The following ARHGEF17 variants were observed in gnomAD, a reference collection of about 807,000 sequenced individuals.
ARHGEF17 encodes Rho guanine nucleotide exchange factor 17, also known as 164 kDa Rho-specific guanine-nucleotide exchange factor.
ARHGEF17 carries 80 observed loss-of-function variants against 174.0 expected under a neutral mutation model. The ratio of observed to expected loss-of-function variants is 0.46; its 90% CI spans 0.38 to 0.55. The LOEUF (loss-of-function observed/expected upper bound fraction) is 0.55, where lower values mean the gene tolerates loss of function less well. ARHGEF17 is among the 20% of genes least tolerant of loss of function. The pLI is 0.00. For synonymous variants in ARHGEF17, 1,311 were observed against 1,189.1 expected (o/e 1.10, Z -2.11); for missense variants, 2,886 against 2,839.7 (o/e 1.02, Z -0.37).
intron 1 of ARHGEF17, among the ~76,000 whole-genome samples, chr11:73,332,488 T>A (rs1314766122): frequency 6.6e-6 from 1 of 152,012 alleles, no homozygotes; most frequent in South Asian, 2.1e-4. Context: ...TACTTCTCCA[T>A]AGCATTTCAA....
intron 2 of ARHGEF17, among the ~76,000 whole-genome samples, chr11:73,352,436 T>G (rs1182816155): frequency 1.3e-5 from 2 of 152,230 alleles, no homozygotes; most frequent in Non-Finnish European, 2.9e-5. Flanking sequence ...ATTGTGGTCT[T>G]TCTTATACAT....
chr11:73,316,172 C>A (rs1178294841), intron 1 of ARHGEF17, among the ~76,000 whole-genome samples: 1 of 152,210 alleles, frequency 6.6e-6, no homozygotes, highest in Non-Finnish European at 1.5e-5. Flanking sequence ...ATGAAGAGGG[C>A]ACAGCATGAG....
In ARHGEF17 at chr11:73,349,878, C is replaced by T. The variant is rs147753106; in HGVS notation, c.3270+2918C>T. ...TGAACCCAAAGACCGTCCCTGGAGGCAGCCCTGGAGTGTGGGAGGAGGACT... is the reference window on the plus strand; with the variant it reads ...TGAACCCAAAGACCGTCCCTGGAGGTAGCCCTGGAGTGTGGGAGGAGGACT... On this transcript the variant is annotated intron_variant, in intron 2 of 20. Coordinates refer to ENST00000263674, the MANE Select transcript of ARHGEF17 (RefSeq NM_014786.4). Among the ~76,000 whole-genome samples, 10 of 152,292 alleles carry T rather than the reference C, an allele frequency of 6.6e-5. No homozygotes were observed. In the East Asian group the frequency reaches 1.9e-3, roughly 29 times the overall value.
chr11:73,325,577 C>G (rs541477488), intron 1 of ARHGEF17, among the ~76,000 whole-genome samples: 7 of 152,352 alleles, frequency 4.6e-5, no homozygotes, highest in Admixed American at 4.6e-4. Flanking sequence ...CACTTTCTCA[C>G]TTTTCAATCC....
At chr11:73,319,034 C>T (rs1405087580) in intron 1 of ARHGEF17, among the ~76,000 whole-genome samples, 5 of 151,878 alleles carry the variant, frequency 3.3e-5, no homozygotes, top group African/African-American at 1.2e-4. Context: ...ATCTTCAAAT[C>T]TCTTGCTCAC....
chr11:73,346,106 C>G (rs1865456449), intron 1 of ARHGEF17, among the ~76,000 whole-genome samples: 2 of 152,006 alleles, frequency 1.3e-5, no homozygotes, highest in Admixed American at 6.5e-5. Context: ...CCCTTGGGGA[C>G]TCAGTAATTC....
intron 9 of ARHGEF17, among the ~76,000 whole-genome samples, chr11:73,358,811 G>T (rs563335854): frequency 6.6e-6 from 1 of 152,274 alleles, no homozygotes; most frequent in East Asian, 1.9e-4. Context: ...TTCAACCTGT[G>T]AGTGTTGAGT....
chr11:73,341,343 T>G (rs1186546589), intron 1 of ARHGEF17, among the ~76,000 whole-genome samples: 1 of 152,020 alleles, frequency 6.6e-6, no homozygotes. Flanking sequence ...CAAGCTGGAG[T>G]GCAATGGTGC....
chr11:73,336,446 G>T (rs1865288197), intron 1 of ARHGEF17, among the ~76,000 whole-genome samples: 1 of 152,184 alleles, frequency 6.6e-6, no homozygotes, highest in East Asian at 1.9e-4. Flanking sequence ...TCCCTTCTGG[G>T]CTAAGAGTGC....
At chr11:73,321,191 C>G (rs578007556) in intron 1 of ARHGEF17, among the ~76,000 whole-genome samples, 1 of 152,218 alleles carries the variant, frequency 6.6e-6, no homozygotes, top group Non-Finnish European at 1.5e-5. Context: ...GAGCCTGGTT[C>G]TCTGGAGGTG....
rs943617265 is a variant in ARHGEF17 at position 73,361,178 on chromosome 11, G to C, written c.4494+17G>C. 6.2e-7 allele frequency: 1 copy of C among 1,612,674 alleles called. No homozygotes were observed. The highest frequency in any genetic ancestry group is 8.5e-7 in the Non-Finnish European group (1 of 1,179,206). The stretch of plus-strand genomic sequence containing the variant: ...GGCATGCAGGTATGTCTGCATCTGG[G>C]TCACTTGGGTACATGTTTTCAAAGC... On this transcript the variant is annotated intron_variant, in intron 12 of 20. Transcript: ENST00000263674.
rs775351472 is a variant in ARHGEF17 at position 73,360,329 on chromosome 11, G to C, written c.4216G>C (p.Asp1406His). 4 of 1,613,666 alleles carry C rather than the reference G, an allele frequency of 2.5e-6. No individual in the cohort carries two copies. Among genetic ancestry groups the C allele is most frequent in the Non-Finnish European group, 3.4e-6 (4 of 1,180,040 alleles). ...SLGFPHQSLDDALRDLSAAMH... is the reference protein window; with the variant it reads ...SLGFPHQSLDHALRDLSAAMH... The stretch of plus-strand genomic sequence containing the variant: ...GCCCTCTTCCCCACAGAGCCTGGAC[G>C]ATGCACTGCGGGACCTCTCAGCTGC... Residue 1406 changes from aspartate to histidine, a missense_variant, in exon 11 of 21, where the codon GAT (aspartate) becomes CAT (histidine). Physicochemically the swap from Asp to His is moderately conservative, Grantham distance 81. Around this residue, in one of 4 missense-constraint regions of ARHGEF17, gnomAD observed 476 missense variants for 473.1 expected, o/e 1.01. Coordinates refer to ENST00000263674, the MANE Select transcript of ARHGEF17 (RefSeq NM_014786.4).
intron 1 of ARHGEF17, among the ~76,000 whole-genome samples, chr11:73,312,634 C>G (rs1864857745): frequency 6.6e-6 from 1 of 151,918 alleles, no homozygotes; most frequent in East Asian, 1.9e-4. Flanking sequence ...AGGATAGAGG[C>G]AGGGAGGGGG....
At position 73,309,233 on chromosome 11, in the gene ARHGEF17, C is replaced by T. The variant is rs1168382435; in HGVS notation, c.595C>T (p.Arg199Trp). ...GCCGGAGACCGAAGGGAGGCTGCGC[C>T]GGCCGCAGCAGCAACAGGAGCGGGC... ...TGPETEGRLR[R>W]PQQQQERAQR... is the part of the protein sequence containing the mutation. The change falls in exon 1 of 21, where the codon CGG (arginine) becomes TGG (tryptophan). Residue 199 changes from arginine (R) to tryptophan (W), a missense_variant. Coordinates refer to ENST00000263674, the MANE Select transcript of ARHGEF17 (RefSeq NM_014786.4). 3.1e-6 allele frequency: 5 copies of T among 1,603,126 alleles called. No homozygotes were observed. Among genetic ancestry groups the T allele is most frequent in the African/African-American group, 2.7e-5 (2 of 74,184 alleles).
chr11:73,348,121 G>T (rs1865494757), intron 2 of ARHGEF17, among the ~76,000 whole-genome samples: 1 of 152,162 alleles, frequency 6.6e-6, no homozygotes, highest in Non-Finnish European at 1.5e-5. Flanking sequence ...TCACCATTGA[G>T]GATGAATTTG....
At chr11:73,347,130 G>C (rs1301973372) in intron 2 of ARHGEF17, 170 bp downstream of exon 2, 1 of 744,278 alleles carries the variant, frequency 1.3e-6, no homozygotes, top group Non-Finnish European at 2.4e-6. Context: ...TCCAGAGAAG[G>C]AGGAAGGCTT....
At chr11:73,341,180 A>G (rs1359277132) in intron 1 of ARHGEF17, among the ~76,000 whole-genome samples, 1 of 152,168 alleles carries the variant, frequency 6.6e-6, no homozygotes, top group Non-Finnish European at 1.5e-5. Context: ...ACTGCCATAC[A>G]TGGTTAAGGT....
chr11:73,347,047 C>T, intron 2 of ARHGEF17, 87 bp downstream of exon 2: 1 of 1,299,586 alleles, frequency 7.7e-7, no homozygotes, highest in Non-Finnish European at 1.1e-6. Flanking sequence ...CTTTCATGGA[C>T]AAGGGACTGA....
rs1331386773 is a variant in ARHGEF17 at position 73,308,979 on chromosome 11, C to T, written c.341C>T (p.Ala114Val). ...GGVLPAAAEE[A>V]AEGPARGAWP... is the part of the protein sequence containing the mutation. ...GTCTTACCCGCGGCCGCGGAAGAAG[C>T]GGCCGAGGGCCCAGCGCGAGGAGCC... The change falls in exon 1 of 21, where the codon GCG becomes GTG. Residue 114 changes from alanine to valine, a missense_variant. By Grantham distance (64) the Ala-to-Val change is moderately conservative. This residue lies in a region of ARHGEF17 where 1,728 missense variants were observed against 1,461.2 expected (regional missense o/e 1.18). Transcript: ENST00000263674. 1.5e-6 allele frequency: 2 copies of T among 1,364,438 alleles called. No homozygotes were observed. The highest frequency in any genetic ancestry group is 3.1e-5 in the East Asian group (1 of 32,056). The allele number at this position is 1,364,438 out of a possible 1,614,324, so 84.5% of individuals were successfully genotyped here.
Sources: gnomAD v4.1 joint callset for allele counts (sites outside exome capture counted in the v4.1 genomes callset) on GRCh38, gnomAD v4.1.1 for gene constraint, gnomAD v4.1.1 regional missense constraint, MANE v1.5 for transcripts, NCBI Gene and HGNC (gene_info 2026-07-23, HGNC 2026-07-21) for gene names.